The following MAP4K5 variants were observed in gnomAD, a reference collection of about 807,000 sequenced individuals.
The protein encoded by MAP4K5 is MAPK/ERK kinase kinase kinase 5.
MAP4K5 carries 82 observed loss-of-function variants against 135.6 expected under a neutral mutation model. The ratio of observed to expected loss-of-function variants is 0.60; its 90% CI spans 0.51 to 0.73. MAP4K5 has a LOEUF of 0.73. MAP4K5 is among the 30% of genes least tolerant of loss of function. MAP4K5 has a pLI of 0.00. For synonymous variants in MAP4K5, 347 were observed against 335.0 expected (o/e 1.04, Z -0.39); for missense variants, 907 against 1,010.9 (o/e 0.90, Z 1.39).
At chr14:50,434,619 C>T in intron 27 of MAP4K5, 48 bp from the exon 28 acceptor site, 5 of 1,498,844 alleles carry the variant, frequency 3.3e-6, no homozygotes, top group Non-Finnish European at 4.5e-6. Context: ...ACAATCTCCC[C>T]ATTCATACCA....
chr14:50,436,033 T>C (rs1792867085), intron 26 of MAP4K5, among the ~76,000 whole-genome samples: 1 of 152,320 alleles, frequency 6.6e-6, no homozygotes, highest in Admixed American at 6.5e-5. Context: ...TGGTTAAACA[T>C]TTTTGTTTTA....
At chr14:50,437,166 G>A (rs2036113713) in intron 26 of MAP4K5, among the ~76,000 whole-genome samples, 1 of 152,020 alleles carries the variant, frequency 6.6e-6, no homozygotes, top group African/African-American at 2.4e-5. Flanking sequence ...ATAAAACATG[G>A]GTGGTAACTG....
At chr14:50,455,596 A>T (rs1220560109) in intron 14 of MAP4K5, among the ~76,000 whole-genome samples, 1 of 151,224 alleles carries the variant, frequency 6.6e-6, no homozygotes, top group Non-Finnish European at 1.5e-5. Flanking sequence ...AAGATACTCT[A>T]ACTCTCTAGT....
intron 1 of MAP4K5, among the ~76,000 whole-genome samples, chr14:50,548,386 C>T (rs564759198): frequency 6.6e-6 from 1 of 152,292 alleles, no homozygotes; most frequent in Non-Finnish European, 1.5e-5. Context: ...CAAGCCCAAG[C>T]ACTAGAGGTC....
chr14:50,552,453 A>G (rs2038714425), intron 1 of MAP4K5, among the ~76,000 whole-genome samples: 1 of 152,232 alleles, frequency 6.6e-6, no homozygotes, highest in Admixed American at 6.5e-5. Flanking sequence ...AAAGCAATAT[A>G]CAGATGCAAT....
At chr14:50,506,756 A>G (rs117139554) in intron 2 of MAP4K5, among the ~76,000 whole-genome samples, 2,190 of 152,306 alleles carry the variant, frequency 0.014, 44 homozygotes, top group Non-Finnish European at 0.019. Context: ...CTCAGGAAAG[A>G]AGAGCAGGCC....
chr14:50,556,042 C>G (rs755503037), intron 1 of MAP4K5, among the ~76,000 whole-genome samples: 16 of 152,026 alleles, frequency 1.1e-4, no homozygotes, highest in Admixed American at 2.6e-4. Context: ...GGAGTAACAT[C>G]CCGGAAGAGT....
intron 13 of MAP4K5, among the ~76,000 whole-genome samples, chr14:50,457,284 A>G (rs1873868900): frequency 1.3e-5 from 2 of 152,302 alleles, no homozygotes; most frequent in South Asian, 4.2e-4. Flanking sequence ...ACAGCAAGGA[A>G]GTGGCATTGC....
chr14:50,541,924 A>G (rs2038566111), intron 2 of MAP4K5, among the ~76,000 whole-genome samples: 2 of 141,208 alleles, frequency 1.4e-5, no homozygotes, highest in African/African-American at 5.2e-5. Context: ...GGAGAATGGC[A>G]TGAACCCAGG....
intron 6 of MAP4K5, among the ~76,000 whole-genome samples, chr14:50,480,656 A>G (rs1380279602): frequency 6.6e-6 from 1 of 152,208 alleles, no homozygotes; most frequent in Admixed American, 6.5e-5. Context: ...TCATGCTCAC[A>G]TAACAATAGG....
intron 1 of MAP4K5, chr14:50,542,652 G>GT (rs200016265): frequency 0.013 from 1,898 of 150,440 alleles, 21 homozygotes; most frequent in Non-Finnish European, 0.019. Flanking sequence ...TTTGCCACCT[G>GT]TTTTTTTTTC....
intron 3 of MAP4K5, among the ~76,000 whole-genome samples, chr14:50,492,924 T>A (rs2037515091): frequency 4.6e-5 from 7 of 151,408 alleles, no homozygotes; most frequent in Admixed American, 2.0e-4. Context: ...ATCCCCACTA[T>A]TCAGGAGGCT....
chr14:50,482,427 A>T lies in MAP4K5; in HGVS notation c.323-11T>A, dbSNP rs770694718. ...ATAATGGTCCAGTAACTAGAAAGAAAAAGAGACCACATTGTTATACATTTA... is the reference window on the plus strand; with the variant it reads ...ATAATGGTCCAGTAACTAGAAAGAATAAGAGACCACATTGTTATACATTTA... On this transcript the variant is annotated splice_polypyrimidine_tract_variant and intron_variant, in intron 5 of 32. Transcript: ENST00000682126. 1.3e-6 allele frequency: 2 copies of T among 1,506,216 alleles called. No individual in the cohort carries two copies. The highest frequency in any genetic ancestry group is 1.8e-6 in the Non-Finnish European group (2 of 1,123,686). The allele number at this position is 1,506,216 out of a possible 1,614,324, so 93.3% of individuals were successfully genotyped here.
At chr14:50,547,629 C>G (rs901044125) in intron 1 of MAP4K5, among the ~76,000 whole-genome samples, 5 of 152,164 alleles carry the variant, frequency 3.3e-5, no homozygotes, top group African/African-American at 1.2e-4. Context: ...TATAACAGCC[C>G]TGTGTGGCCT....
In MAP4K5 at chr14:50,522,789, A is replaced by C. The variant is rs1254952865; in HGVS notation, c.108+9153T>G. On this transcript the variant is annotated intron_variant, in intron 2 of 32. Transcript: ENST00000682126. ...GCTGTGTTACTATCAAAAAATAAGA[A>C]AGTAGGTGATGTTTTGATATCAAAT... is the stretch of plus-strand genomic sequence containing the variant. Among the ~76,000 whole-genome samples, 6 of 152,192 alleles carry C rather than the reference A, an allele frequency of 3.9e-5. No individual in the cohort carries two copies. The South Asian group carries it at 1.2e-3, about 32-fold the overall frequency.
At chr14:50,517,541 G>A (rs903717921) in intron 2 of MAP4K5, among the ~76,000 whole-genome samples, 2 of 151,982 alleles carry the variant, frequency 1.3e-5, no homozygotes, top group African/African-American at 4.8e-5. Flanking sequence ...GCCGAGGTGG[G>A]TGGATAACTT....
intron 9 of MAP4K5, chr14:50,472,581 T>C (rs971390812): frequency 2.0e-5 from 3 of 152,188 alleles, no homozygotes; most frequent in Non-Finnish European, 2.9e-5. Flanking sequence ...AAAATATGCA[T>C]GTAAACAATG....
At chr14:50,442,598 T>G in intron 21 of MAP4K5, 134 bp downstream of exon 21, 1 of 628,386 alleles carries the variant, frequency 1.6e-6, no homozygotes, top group Non-Finnish European at 2.8e-6. Flanking sequence ...CCTATTTAGG[T>G]TGTTGCAGGT....
chr14:50,539,873 C>G (rs1357080783), intron 2 of MAP4K5, among the ~76,000 whole-genome samples: 1 of 152,078 alleles, frequency 6.6e-6, no homozygotes, highest in Non-Finnish European at 1.5e-5. Flanking sequence ...CAGAATTTCC[C>G]TGGCATACTG....
Sources: allele counts gnomAD v4.1 joint callset (sites outside exome capture counted in the v4.1 genomes callset), GRCh38; gene constraint gnomAD v4.1.1; transcripts MANE v1.5; gene names NCBI Gene and HGNC (gene_info 2026-07-23, HGNC 2026-07-21).